Variants in CNTNAP4 observed in about 807,000 individuals in gnomAD.
CNTNAP4 encodes the protein contactin associated protein family member 4, also known as contactin-associated protein-like 4.
Under a neutral mutation model 148.4 loss-of-function variants are expected in CNTNAP4, and 98 were observed. The observed-to-expected ratio is 0.66, with a 90% CI of 0.56 to 0.78. CNTNAP4 has a LOEUF of 0.78. CNTNAP4 is among the 30% of genes least tolerant of loss of function. The probability of loss-of-function intolerance (pLI) is 0.00; values close to 1 mark genes in which losing one functional copy is unlikely to be tolerated. For synonymous variants in CNTNAP4, 730 were observed against 565.1 expected (o/e 1.29, Z -4.14); for missense variants, 1,935 against 1,565.6 (o/e 1.24, Z -3.98).
intron 10 of CNTNAP4, among the ~76,000 whole-genome samples, chr16:76,474,249 C>T (rs1185645769): frequency 6.6e-6 from 1 of 152,112 alleles, no homozygotes; most frequent in Non-Finnish European, 1.5e-5. Flanking sequence ...AGGGGTGACT[C>T]CCAGGTCCTT....
chr16:76,491,741 A>G (rs2082229777), intron 13 of CNTNAP4, among the ~76,000 whole-genome samples: 1 of 152,228 alleles, frequency 6.6e-6, no homozygotes, highest in Non-Finnish European at 1.5e-5. Flanking sequence ...AAGGTCATGC[A>G]GTATATGTCT....
intron 2 of CNTNAP4, among the ~76,000 whole-genome samples, chr16:76,337,350 G>C (rs1964106450): frequency 6.6e-6 from 1 of 152,132 alleles, no homozygotes; most frequent in Admixed American, 6.5e-5. Flanking sequence ...TAAAGAGAAA[G>C]AGTACAAATA....
chr16:76,316,817 C>T (rs1223336270), intron 2 of CNTNAP4, among the ~76,000 whole-genome samples: 4 of 152,108 alleles, frequency 2.6e-5, no homozygotes, highest in Non-Finnish European at 5.9e-5. Flanking sequence ...GTGATGAAAC[C>T]TTAATTGGCC....
In CNTNAP4 at chr16:76,327,429, G is replaced by A. The variant is rs149408906; in HGVS notation, c.196+10906G>A. Among the ~76,000 whole-genome samples, 280 of 152,180 alleles carry A rather than the reference G, an allele frequency of 1.8e-3. 2 individuals carry two copies. Among genetic ancestry groups the A allele is most frequent in the African/African-American group, 6.6e-3 (272 of 41,522 alleles). ...GTAGTATTCCATGGTGTGTATATAC[G>A]ACATTTTCTTTATTCAGTCCATCAT... On this transcript the variant is annotated intron_variant, in intron 2 of 23. Coordinates refer to ENST00000611870, the MANE Select transcript of CNTNAP4 (RefSeq NM_033401.5).
chr16:76,374,176 G>A (rs904431052), intron 3 of CNTNAP4, among the ~76,000 whole-genome samples: 2 of 152,142 alleles, frequency 1.3e-5, no homozygotes, highest in Non-Finnish European at 2.9e-5. Flanking sequence ...GTAAGTGAGA[G>A]AGGAGAGAAA....
chr16:76,462,695 C>T (rs1314278122), intron 9 of CNTNAP4, among the ~76,000 whole-genome samples: 1 of 152,092 alleles, frequency 6.6e-6, no homozygotes, highest in Admixed American at 6.5e-5. Flanking sequence ...TTTGTTTGAA[C>T]TAAAAGCCTG....
At chr16:76,429,296 G>A (rs2079530785) in intron 4 of CNTNAP4, among the ~76,000 whole-genome samples, 1 of 152,172 alleles carries the variant, frequency 6.6e-6, no homozygotes, top group Non-Finnish European at 1.5e-5. Context: ...CATGCCACAT[G>A]ATGGACAACT....
intron 10 of CNTNAP4, among the ~76,000 whole-genome samples, chr16:76,475,270 T>C (rs2081528316): frequency 6.6e-6 from 1 of 152,224 alleles, no homozygotes; most frequent in Non-Finnish European, 1.5e-5. Context: ...ACTAAAACTC[T>C]GCTCCCCAAA....
At chr16:76,304,166 A>G (rs1960251281) in intron 1 of CNTNAP4, among the ~76,000 whole-genome samples, 1 of 152,146 alleles carries the variant, frequency 6.6e-6, no homozygotes, top group South Asian at 2.1e-4. Flanking sequence ...TACCATCATT[A>G]TCCTCATTTC....
At chr16:76,320,869 C>T (rs1021822613) in intron 2 of CNTNAP4, among the ~76,000 whole-genome samples, 2 of 152,030 alleles carry the variant, frequency 1.3e-5, no homozygotes, top group African/African-American at 2.4e-5. Flanking sequence ...AAAAATAATA[C>T]AATAGTAAAT....
intron 10 of CNTNAP4, among the ~76,000 whole-genome samples, chr16:76,473,547 G>A (rs2081445590): frequency 6.6e-6 from 1 of 152,104 alleles, no homozygotes; most frequent in Admixed American, 6.5e-5. Context: ...GCCGAGGCGG[G>A]CAGATCACGA....
In CNTNAP4 at chr16:76,505,255, T is replaced by G. The variant is rs902614067; in HGVS notation, c.2365+6561T>G. Among the ~76,000 whole-genome samples, 4 of 100,572 alleles carry G rather than the reference T, an allele frequency of 4.0e-5. 2 individuals carry two copies. The highest frequency in any genetic ancestry group is 1.1e-4 in the Non-Finnish European group (4 of 35,066). The allele number at this position is 100,572 out of a possible 152,430, so 66.0% of individuals were successfully genotyped here. A position where few individuals can be genotyped will look rare whatever the true frequency, so the allele number is the denominator to read the frequency against. On this transcript the variant is annotated intron_variant, in intron 15 of 23. Coordinates refer to ENST00000611870, the MANE Select transcript of CNTNAP4 (RefSeq NM_033401.5). The stretch of plus-strand genomic sequence containing the variant: ...TGAAAGGATACACGTTCCATTTTAC[T>G]GTGGTGTACCCACAATACACAGTGG...
rs1032952486 is a variant in CNTNAP4, at chr16:76,316,507, G to A, written c.180G>A (p.Arg60=). 8 of 1,612,800 alleles carry A rather than the reference G, an allele frequency of 5.0e-6. No individual in the cohort carries two copies. Among genetic ancestry groups the A allele is most frequent in the Admixed American group, 3.3e-5 (2 of 59,984 alleles). The change falls in exon 2 of 24, where the codon AGG becomes AGA. Residue 60 remains arginine, a synonymous_variant. Transcript: ENST00000611870. ...GCAGTCATGGTCCTGGATTTGCAAG[G>A]CTGAATAGAAGAGATGGTAAGTCTG... ...LSSSHGPGFA[R]LNRRDGAGGW...
intron 1 of CNTNAP4, among the ~76,000 whole-genome samples, chr16:76,303,964 A>T (rs925882564): frequency 6.6e-6 from 1 of 152,162 alleles, no homozygotes. Flanking sequence ...TTTGTAAGAC[A>T]TATCTACAAA....
At chr16:76,442,038 A>G (rs775502316) in intron 4 of CNTNAP4, among the ~76,000 whole-genome samples, 38 of 152,106 alleles carry the variant, frequency 2.5e-4, no homozygotes, top group Admixed American at 2.4e-3. Context: ...TACCATGGCA[A>G]AAGCGCTTTG....
chr16:76,320,684 A>T (rs1324163395), intron 2 of CNTNAP4, among the ~76,000 whole-genome samples: 1 of 152,174 alleles, frequency 6.6e-6, no homozygotes, highest in South Asian at 2.1e-4. Flanking sequence ...GTAGAGTTCA[A>T]ACAGGTTCTA....
intron 4 of CNTNAP4, among the ~76,000 whole-genome samples, chr16:76,442,914 C>T (rs945735561): frequency 3.9e-5 from 6 of 152,190 alleles, no homozygotes; most frequent in African/African-American, 1.4e-4. Flanking sequence ...CAAACCAGCA[C>T]AGACTAGTTG....
At chr16:76,344,849 CT>C (rs372566444) in intron 2 of CNTNAP4, among the ~76,000 whole-genome samples, 127 of 152,276 alleles carry the variant, frequency 8.3e-4, no homozygotes, top group African/African-American at 3.0e-3. Context: ...ACCTTCTACT[CT>C]TTTCCAAAAT....
At chr16:76,419,435 T>C (rs756624217) in intron 3 of CNTNAP4, among the ~76,000 whole-genome samples, 5 of 152,064 alleles carry the variant, frequency 3.3e-5, no homozygotes, top group Non-Finnish European at 7.4e-5. Flanking sequence ...CTTCATAGAA[T>C]GCATGGATGG....
Sources: allele counts gnomAD v4.1 joint callset (sites outside exome capture counted in the v4.1 genomes callset), GRCh38; gene constraint gnomAD v4.1.1; transcripts MANE v1.5; gene names NCBI Gene and HGNC (gene_info 2026-07-23, HGNC 2026-07-21).